The following PPARGC1A variants were observed in gnomAD, a reference collection of about 807,000 sequenced individuals.
PPARGC1A encodes peroxisome proliferator-activated receptor gamma coactivator 1-alpha.
Under a neutral mutation model 88.7 loss-of-function variants are expected in PPARGC1A, and 25 were observed. That is an observed-to-expected ratio of 0.28 (90% CI 0.21 to 0.39). The LOEUF (loss-of-function observed/expected upper bound fraction) is 0.39. Ranked by LOEUF, PPARGC1A falls within the 10% of genes least tolerant of loss-of-function variation. PPARGC1A has a pLI of 1.00. For synonymous variants in PPARGC1A, 363 were observed against 355.6 expected (o/e 1.02, Z -0.24); for missense variants, 880 against 968.7 (o/e 0.91, Z 1.22).
chr4:23,848,058 G>A (rs1728627065), intron 2 of PPARGC1A, among the ~76,000 whole-genome samples: 1 of 152,018 alleles, frequency 6.6e-6, no homozygotes. Context: ...TTAATTTTTT[G>A]ATCTGTAAAA....
the PPARGC1A span, among the ~76,000 whole-genome samples, chr4:23,982,340 G>A: frequency 1.3e-5 from 2 of 152,132 alleles, no homozygotes; most frequent in Non-Finnish European, 2.9e-5. Context: ...CTAACTCATG[G>A]TCTAGAGAGC....
At chr4:24,076,752 C>T in the PPARGC1A span, among the ~76,000 whole-genome samples, 2 of 152,032 alleles carry the variant, frequency 1.3e-5, no homozygotes, top group African/African-American at 2.4e-5. Flanking sequence ...TACCTAGTGA[C>T]GTTTGAATAT....
chr4:24,396,690 G>A, the PPARGC1A span, among the ~76,000 whole-genome samples: 3 of 152,026 alleles, frequency 2.0e-5, no homozygotes, highest in Admixed American at 6.6e-5. Flanking sequence ...AGTTTAGGGG[G>A]CAAAGAGCAC....
the PPARGC1A span, among the ~76,000 whole-genome samples, chr4:24,268,422 A>G: frequency 7.9e-5 from 12 of 152,328 alleles, no homozygotes; most frequent in East Asian, 1.7e-3. Context: ...TGCTGGTCCA[A>G]TGATGGCTAA....
chr4:23,938,276 T>C, the PPARGC1A span, among the ~76,000 whole-genome samples: 1 of 152,178 alleles, frequency 6.6e-6, no homozygotes, highest in Non-Finnish European at 1.5e-5. Context: ...TTAAGAACCA[T>C]GAAAAGTCCC....
chr4:23,894,561 TA>T (rs1354082711), upstream of PPARGC1A, among the ~76,000 whole-genome samples: 3 of 152,196 alleles, frequency 2.0e-5, no homozygotes, highest in African/African-American at 4.8e-5. Context: ...CATTTATTTT[TA>T]TTTTTTTAAT....
chr4:24,004,724 C>T, the PPARGC1A span, among the ~76,000 whole-genome samples: 74 of 152,246 alleles, frequency 4.9e-4, 1 homozygote, highest in African/African-American at 1.4e-3. Context: ...ACGAGCCACA[C>T]GTTATGAAAA....
the PPARGC1A span, among the ~76,000 whole-genome samples, chr4:24,406,397 C>T: frequency 3.3e-5 from 5 of 152,232 alleles, no homozygotes; most frequent in East Asian, 3.9e-4. Flanking sequence ...TTCCTTAAGT[C>T]GAGTGCACCA....
the PPARGC1A span, among the ~76,000 whole-genome samples, chr4:24,224,978 G>C: frequency 0.014 from 2,082 of 152,246 alleles, 52 homozygotes; most frequent in African/African-American, 0.047. Flanking sequence ...AGCATGTCAC[G>C]CATGTTCAAA....
the PPARGC1A span, among the ~76,000 whole-genome samples, chr4:23,931,218 C>T: frequency 1.3e-5 from 2 of 152,004 alleles, no homozygotes; most frequent in Non-Finnish European, 2.9e-5. Context: ...GTGTGTCACG[C>T]GTTATGCCAA....
At chr4:23,896,945 A>G (rs568499546) in intron 1 of PPARGC1A, among the ~76,000 whole-genome samples, 4 of 152,278 alleles carry the variant, frequency 2.6e-5, no homozygotes, top group African/African-American at 9.6e-5. Flanking sequence ...GGTGACATAC[A>G]AGTAAATTTC....
the PPARGC1A span, among the ~76,000 whole-genome samples, chr4:24,132,727 T>C: frequency 2.0e-5 from 3 of 152,162 alleles, no homozygotes; most frequent in Admixed American, 2.0e-4. Flanking sequence ...GTTTCCCAGG[T>C]ATTCATGTAT....
chr4:23,935,164 G>T, the PPARGC1A span, among the ~76,000 whole-genome samples: 2 of 151,892 alleles, frequency 1.3e-5, no homozygotes, highest in Non-Finnish European at 2.9e-5. Context: ...CACAATGCTC[G>T]CATGCCTGGG....
the PPARGC1A span, among the ~76,000 whole-genome samples, chr4:23,981,894 A>G: frequency 6.6e-6 from 1 of 152,162 alleles, no homozygotes; most frequent in African/African-American, 2.4e-5. Context: ...GAGAAAGCTC[A>G]GGAATTACAT....
At chr4:24,045,941 T>A in the PPARGC1A span, among the ~76,000 whole-genome samples, 3 of 152,302 alleles carry the variant, frequency 2.0e-5, no homozygotes, top group African/African-American at 7.2e-5. Flanking sequence ...CATGATATTA[T>A]TTGTTTCTGG....
the PPARGC1A span, among the ~76,000 whole-genome samples, chr4:24,435,997 G>A: frequency 6.6e-6 from 1 of 152,164 alleles, no homozygotes; most frequent in Non-Finnish European, 1.5e-5. Flanking sequence ...CAGTTTAGTA[G>A]CATGGGCTGC....
the PPARGC1A span, among the ~76,000 whole-genome samples, chr4:24,100,475 A>C: frequency 6.6e-6 from 1 of 152,140 alleles, no homozygotes; most frequent in South Asian, 2.1e-4. Context: ...CCAGCCCTTA[A>C]ATCACCCAAC....
chr4:24,184,550 A>G, the PPARGC1A span, among the ~76,000 whole-genome samples: 1 of 152,196 alleles, frequency 6.6e-6, no homozygotes, highest in Non-Finnish European at 1.5e-5. Flanking sequence ...ACCTAGTTGA[A>G]GGCTGCACAT....
At chr4:23,903,596 C>T (rs935351818), upstream of PPARGC1A, among the ~76,000 whole-genome samples, 4 of 152,106 alleles carry the variant, frequency 2.6e-5, no homozygotes, top group African/African-American at 7.2e-5. Flanking sequence ...CAGTGGTCCT[C>T]GCATTTCCTT....
Sources: allele counts gnomAD v4.1 joint callset (sites outside exome capture counted in the v4.1 genomes callset), GRCh38; gene constraint gnomAD v4.1.1; transcripts MANE v1.5; gene names NCBI Gene and HGNC (gene_info 2026-07-23, HGNC 2026-07-21).